Variants in SAR1A observed in about 807,000 individuals in gnomAD.
The protein encoded by SAR1A is secretion associated Ras related GTPase 1A.
SAR1A carries 6 observed loss-of-function variants against 22.6 expected under a neutral mutation model. The ratio of observed to expected loss-of-function variants is 0.27; its 90% CI spans 0.15 to 0.52. The LOEUF (loss-of-function observed/expected upper bound fraction) is 0.52, where lower values mean the gene tolerates loss of function less well. Among genes scored for constraint, SAR1A ranks in the 20% least tolerant of loss-of-function variants. The pLI, the probability that SAR1A is intolerant of heterozygous loss-of-function variation, is 0.96. For missense variants in SAR1A, 145 were observed against 245.1 expected (o/e 0.59, Z 2.73); for synonymous variants, 70 against 82.2 (o/e 0.85, Z 0.80).
At position 70,163,849 on chromosome 10, in the gene SAR1A, T is replaced by A. The variant is rs1385703119; in HGVS notation, c.-16-1918A>T. 9.6e-6 allele frequency: 15 copies of A among 1,556,632 alleles called. No individual in the cohort carries two copies. In the East Asian group the frequency reaches 3.4e-4, roughly 35 times the overall value. ...GAGTTACAGGACATGATTAATGAAG[T>A]AGATGCTGATGGTAATGGCACAATT... is the stretch of plus-strand genomic sequence containing the variant. On this transcript the variant is annotated intron_variant, in intron 1 of 6. Transcript: ENST00000373241.
chr10:70,162,405 G>A (rs1428866403), intron 1 of SAR1A, among the ~76,000 whole-genome samples: 4 of 129,192 alleles, frequency 3.1e-5, no homozygotes, highest in Non-Finnish European at 6.6e-5. Flanking sequence ...AAAGGAAAGG[G>A]AAAGGGAAAG....
At chr10:70,160,530 C>T (rs1009904680) in intron 4 of SAR1A, among the ~76,000 whole-genome samples, 2 of 152,124 alleles carry the variant, frequency 1.3e-5, no homozygotes, top group African/African-American at 4.8e-5. Context: ...TGGCTTAGGG[C>T]AAGCCTAGTT....
Position 70,148,591 on chromosome 10 carries a change from C to A in SAR1A, c.*3885G>T, listed in dbSNP as rs1033672742. ...ATTTCCTGAGCCCAGGAGTTTGAGACCAGCCTGGGCAACATGATGAGACCT... is the reference window on the plus strand; with the variant it reads ...ATTTCCTGAGCCCAGGAGTTTGAGAACAGCCTGGGCAACATGATGAGACCT... On this transcript the variant is annotated 3_prime_UTR_variant, in exon 7 of 7. Coordinates refer to ENST00000373241, the MANE Select transcript of SAR1A (RefSeq NM_020150.5). 1.3e-5 allele frequency: 2 copies of A among 152,092 alleles called. No individual in the cohort carries two copies. Among genetic ancestry groups the A allele is most frequent in the Non-Finnish European group, 1.5e-5 (1 of 68,056 alleles). The allele number at this position is 152,092 out of a possible 1,614,324, so 9.4% of individuals were successfully genotyped here.
chr10:70,162,015 T>C lies in SAR1A; in HGVS notation c.-16-84A>G, dbSNP rs562000901. The C allele has an allele frequency of 1.2e-5, 12 of 965,708 alleles. No individual in the cohort carries two copies. The East Asian group carries it at 2.1e-4, about 17-fold the overall frequency. 59.8% of individuals were successfully genotyped at this position (965,708 alleles called of 1,614,324 possible). On this transcript the variant is annotated intron_variant, in intron 1 of 6. Coordinates refer to ENST00000373241, the MANE Select transcript of SAR1A (RefSeq NM_020150.5). The stretch of plus-strand genomic sequence containing the variant: ...GAGGTTAACTCTTGTTCCCTAGCCA[T>C]GATGCACATTTATAGTCTCTTGTTT...
intron 5 of SAR1A, 68 bp downstream of exon 5, chr10:70,157,696 T>A: frequency 8.9e-7 from 1 of 1,122,838 alleles, no homozygotes; most frequent in Non-Finnish European, 1.3e-6. Flanking sequence ...CTATATTCCT[T>A]AAAAAAAAAT....
chr10:70,157,439 T>C (rs950378102), intron 5 of SAR1A, among the ~76,000 whole-genome samples: 10 of 149,148 alleles, frequency 6.7e-5, no homozygotes, highest in Non-Finnish European at 1.5e-4. Flanking sequence ...ACAGAATTAC[T>C]GTTCATGACA....
In SAR1A at chr10:70,152,126, G is replaced by A. The variant is rs922678100; in HGVS notation, c.*350C>T. On this transcript the variant is annotated 3_prime_UTR_variant, in exon 7 of 7. Transcript: ENST00000373241. Reference sequence around the variant, plus strand: ...GAGGGATACCAATTACATTAACAACGCTTTCTTTAAAAAATAGAATCACTT... The same window carrying A: ...GAGGGATACCAATTACATTAACAACACTTTCTTTAAAAAATAGAATCACTT... 12 of 274,242 alleles carry A rather than the reference G, an allele frequency of 4.4e-5. No homozygotes were observed. The highest frequency in any genetic ancestry group is 1.2e-4 in the South Asian group (3 of 25,594). The allele number at this position is 274,242 out of a possible 1,614,324, so 17.0% of individuals were successfully genotyped here.
chr10:70,159,240 T>C (rs973358230), intron 4 of SAR1A, among the ~76,000 whole-genome samples: 1 of 152,248 alleles, frequency 6.6e-6, no homozygotes, highest in African/African-American at 2.4e-5. Flanking sequence ...TTTACTGGTA[T>C]TTTATGTGAT....
chr10:70,156,919 C>T (rs549025658), intron 5 of SAR1A, among the ~76,000 whole-genome samples: 1 of 152,202 alleles, frequency 6.6e-6, no homozygotes, highest in East Asian at 1.9e-4. Flanking sequence ...AAGGAGAAAA[C>T]TTGAAGTGAG....
intron 5 of SAR1A, among the ~76,000 whole-genome samples, chr10:70,156,059 G>A (rs1161010176): frequency 1.3e-5 from 2 of 152,294 alleles, no homozygotes; most frequent in East Asian, 3.9e-4. Flanking sequence ...TGCATGTCCA[G>A]GTAGGTGGTG....
At position 70,162,444 on chromosome 10, in the gene SAR1A, A is replaced by G. The variant is rs1490121346; in HGVS notation, c.-16-513T>C. On this transcript the variant is annotated intron_variant, in intron 1 of 6. Transcript: ENST00000373241. Reference sequence around the variant, plus strand: ...AAGGGAAAGGAAAGGAAAGGAAAAGAAAAGAAAAGAGAGGGGAGGGGAGGC... The same window carrying G: ...AAGGGAAAGGAAAGGAAAGGAAAAGGAAAGAAAAGAGAGGGGAGGGGAGGC... Among the ~76,000 whole-genome samples, 1,328 of 133,120 alleles carry G rather than the reference A, an allele frequency of 1.0e-2. 22 individuals are homozygous for G. Among genetic ancestry groups the G allele is most frequent in the African/African-American group, 0.035 (1,263 of 35,966 alleles). 87.3% of individuals were successfully genotyped at this position (133,120 alleles called of 152,430 possible).
In SAR1A at chr10:70,149,553, T is replaced by TTTTTTTTTTC. The variant is rs1839303141; in HGVS notation, c.*2922_*2923insGAAAAAAAAA. Reference sequence around the variant, plus strand: ...CAAATGTAGCATTTAATTGATTTTTTTTTTTTTTTTTTTTTTGAGCTAGAG... The same window carrying TTTTTTTTTTC: ...CAAATGTAGCATTTAATTGATTTTTTTTTTTTTTTCTTTTTTTTTTTTTTTTGAGCTAGAG... On this transcript the variant is annotated 3_prime_UTR_variant, in exon 7 of 7. Transcript: ENST00000373241. 1 of 122,418 alleles carries TTTTTTTTTTC rather than the reference T, an allele frequency of 8.2e-6. No individual in the cohort carries two copies. The highest frequency in any genetic ancestry group is 2.3e-4 in the East Asian group (1 of 4,356). 7.6% of individuals were successfully genotyped at this position (122,418 alleles called of 1,614,324 possible).
chr10:70,165,128 A>G (rs1285709946), intron 1 of SAR1A, among the ~76,000 whole-genome samples: 1 of 151,170 alleles, frequency 6.6e-6, no homozygotes, highest in East Asian at 1.9e-4. Flanking sequence ...AGCCGGGCGT[A>G]GTGGCGGGCG....
chr10:70,161,733 A>G lies in SAR1A; in HGVS notation c.64T>C (p.Tyr22His). The change falls in exon 3 of 7, where the codon TAC becomes CAC. Residue 22 changes from tyrosine (Y) to histidine (H), a missense_variant. Physicochemically the swap from Tyr to His is moderately conservative, Grantham distance 83 (BLOSUM62 2). This residue lies in a region of SAR1A where 22 missense variants were observed against 24.8 expected (regional missense o/e 0.89). Transcript: ENST00000373241. ...FSSVLQFLGL[Y>H]KKSGKLVFLG... ...AATACAAGTTTTCCAGATTTCTTGT[A>G]CAGTCCTAAAAGAGAAAAAAATTGT... 1 of 1,614,050 alleles carries G rather than the reference A, an allele frequency of 6.2e-7. No homozygotes were observed. Among genetic ancestry groups the G allele is most frequent in the Non-Finnish European group, 8.5e-7 (1 of 1,180,024 alleles).
At chr10:70,165,690 T>C (rs6480443) in intron 1 of SAR1A, among the ~76,000 whole-genome samples, 57,059 of 152,148 alleles carry the variant, frequency 0.38, 11,229 homozygotes, top group Non-Finnish European at 0.4. Flanking sequence ...CTATGAATAC[T>C]GTTGAAATGA....
rs1417916128 is a variant in SAR1A, at chr10:70,164,117, G to A, written c.-16-2186C>T. The A allele has an allele frequency of 8.1e-6, 6 of 736,250 alleles. No individual in the cohort carries two copies. In the Admixed American group the frequency reaches 9.6e-5, roughly 12 times the overall value. 45.6% of individuals were successfully genotyped at this position (736,250 alleles called of 1,614,324 possible). On this transcript the variant is annotated intron_variant, in intron 1 of 6. Coordinates refer to ENST00000373241, the MANE Select transcript of SAR1A (RefSeq NM_020150.5). Reference sequence around the variant, plus strand: ...TAAACTATGAGTTTGTACAAATGATGACAGCATAATGAAGACCTTGTACAG... The same window carrying A: ...TAAACTATGAGTTTGTACAAATGATAACAGCATAATGAAGACCTTGTACAG...
At chr10:70,163,933 A>C (rs1257214530) in intron 1 of SAR1A, 2 of 1,574,988 alleles carry the variant, frequency 1.3e-6, no homozygotes, top group Non-Finnish European at 8.7e-7. Flanking sequence ...GACAGTGAAG[A>C]AGAAATTAGA....
rs1353162901 is a variant in SAR1A, at chr10:70,151,075, T to C, written c.*1401A>G. 5 of 151,992 alleles carry C rather than the reference T, an allele frequency of 3.3e-5. No homozygotes were observed. Among genetic ancestry groups the C allele is most frequent in the African/African-American group, 4.8e-5 (2 of 41,388 alleles). The allele number at this position is 151,992 out of a possible 1,614,324, so 9.4% of individuals were successfully genotyped here. On this transcript the variant is annotated 3_prime_UTR_variant, in exon 7 of 7. Coordinates refer to ENST00000373241, the MANE Select transcript of SAR1A (RefSeq NM_020150.5). ...GATCATCAAAATCCAATTTCACATG[T>C]GGCACTAGGAAAATGGAATGCTATA...
At chr10:70,158,345 A>C (rs1041731260) in intron 4 of SAR1A, among the ~76,000 whole-genome samples, 1 of 152,188 alleles carries the variant, frequency 6.6e-6, no homozygotes, top group Non-Finnish European at 1.5e-5. Flanking sequence ...CTTTAGTCCC[A>C]GTTAGTTTCT....
Sources: allele counts gnomAD v4.1 joint callset (sites outside exome capture counted in the v4.1 genomes callset), GRCh38; gene constraint gnomAD v4.1.1; regional missense constraint gnomAD v4.1.1; transcripts MANE v1.5; gene names NCBI Gene and HGNC (gene_info 2026-07-23, HGNC 2026-07-21).